BTK: variants seen among roughly 807,000 people sequenced by gnomAD.
BTK encodes the protein Bruton tyrosine kinase.
A neutral mutation model predicts 57.4 loss-of-function variants in BTK; 5 were observed. The observed-to-expected ratio is 0.09, with a 90% confidence interval of 0.05 to 0.18. The LOEUF (loss-of-function observed/expected upper bound fraction) is 0.18. BTK is among the 10% of genes least tolerant of loss of function. The probability of loss-of-function intolerance (pLI) is 1.00; values close to 1 mark genes in which losing one functional copy is unlikely to be tolerated. For missense variants in BTK, 194 were observed against 501.2 expected (o/e 0.39, Z 5.85); for synonymous variants, 154 against 174.3 (o/e 0.88, Z 0.92).
At position 101,357,664 on chromosome X, in the gene BTK, C is replaced by T. The variant is rs1926531923; in HGVS notation, c.1103-81G>A. ...ACACATCCTCACTTAAAGCCTCACA[C>T]TTCCGGTGTGTATCTTTCTAGTACA... On this transcript the variant is annotated intron_variant, in intron 12 of 18. Coordinates refer to ENST00000308731, the MANE Select transcript of BTK (RefSeq NM_000061.3). The T allele has an allele frequency of 5.1e-6, 4 of 783,665 alleles. No individual in the cohort carries two copies. The Admixed American group carries it at 6.7e-5, about 13-fold the overall frequency. 64.6% of individuals were successfully genotyped at this position (783,665 alleles called of 1,213,427 possible). A position where few individuals can be genotyped will look rare whatever the true frequency, so the allele number is the denominator to read the frequency against.
chrX:101,379,746 T>C (rs1303846241), intron 1 of BTK, among the ~76,000 whole-genome samples: 1 of 111,822 alleles, frequency 8.9e-6, no homozygotes, highest in Non-Finnish European at 1.9e-5. Flanking sequence ...CTAGGAATGT[T>C]CAGCAAGAGA....
At chrX:101,377,572 C>T (rs944322042) in intron 1 of BTK, among the ~76,000 whole-genome samples, 2 of 110,929 alleles carry the variant, frequency 1.8e-5, no homozygotes, top group African/African-American at 6.6e-5. Context: ...CTGCTTAGAC[C>T]CACCATCTGT....
At chrX:101,381,007 G>GAAAAAA (rs782713123) in intron 1 of BTK, among the ~76,000 whole-genome samples, 4 of 24,722 alleles carry the variant, frequency 1.6e-4, no homozygotes, top group Non-Finnish European at 3.2e-4. Context: ...ACTCGGTCGC[G>GAAAAAA]AAAAAAAAAA....
chrX:101,373,373 G>A (rs782519692), intron 3 of BTK, among the ~76,000 whole-genome samples: 15 of 111,770 alleles, frequency 1.3e-4, no homozygotes, highest in African/African-American at 3.6e-4. Context: ...TAGACAAACC[G>A]AATGTGTAAT....
At chrX:101,374,734 G>T in intron 2 of BTK, 100 bp from the exon 3 acceptor site, 1 of 745,448 alleles carries the variant, frequency 1.3e-6, no homozygotes, top group Non-Finnish European at 2.1e-6. Context: ...AAGTGAGGTG[G>T]CACCAGGACC....
chrX:101,354,167 T>C, intron 16 of BTK, 179 bp from the exon 17 acceptor site: 1 of 459,936 alleles, frequency 2.2e-6, no homozygotes, highest in Non-Finnish European at 3.8e-6. Flanking sequence ...TTGTATCTGA[T>C]TGAGCTTTCC....
At chrX:101,367,922 C>CATTGTGGAGAG (rs1926914345) in intron 5 of BTK, among the ~76,000 whole-genome samples, 1 of 111,341 alleles carries the variant, frequency 9.0e-6, no homozygotes, top group Non-Finnish European at 1.9e-5. Context: ...GTGTGCAAGG[C>CATTGTGGAGAG]GCTGTATGAG....
intron 8 of BTK, 72 bp from the exon 9 acceptor site, chrX:101,360,222 G>A (rs1926618514): frequency 2.6e-6 from 2 of 758,639 alleles, no homozygotes; most frequent in Non-Finnish European, 4.1e-6. Context: ...ATATGCCCAC[G>A]TCCCTGAGCT....
At chrX:101,363,888 A>G (rs782356271) in intron 5 of BTK, among the ~76,000 whole-genome samples, 167 of 8,979 alleles carry the variant, frequency 0.019, 1 homozygote, top group South Asian at 0.079. Flanking sequence ...AATCCCGCAC[A>G]TTATTATTAT....
chrX:101,376,579 A>G (rs1927220851), intron 1 of BTK, among the ~76,000 whole-genome samples: 1 of 111,550 alleles, frequency 9.0e-6, no homozygotes, highest in Non-Finnish European at 1.9e-5. Context: ...GTGAGCCGAG[A>G]TTGTGCCATT....
At chrX:101,375,980 G>T (rs1027169311) in intron 1 of BTK, among the ~76,000 whole-genome samples, 14 of 110,009 alleles carry the variant, frequency 1.3e-4, no homozygotes, top group Non-Finnish European at 2.1e-4. Context: ...GTTTTGGTGG[G>T]GGGGGGGTAG....
chrX:101,359,892 T>C (rs1334654220), intron 9 of BTK, among the ~76,000 whole-genome samples, 196 bp downstream of exon 9: 1 of 105,704 alleles, frequency 9.5e-6, no homozygotes, highest in Non-Finnish European at 1.9e-5. Context: ...TATATATATA[T>C]ACACACTTGT....
upstream of BTK, chrX:101,390,676 A>T: frequency 2.1e-6 from 1 of 477,630 alleles, no homozygotes; most frequent in South Asian, 2.9e-5. Flanking sequence ...GGACCCCTTC[A>T]TTCGACCCTA....
intron 18 of BTK, among the ~76,000 whole-genome samples, chrX:101,352,017 G>T (rs1398179727): frequency 9.1e-6 from 1 of 109,766 alleles, no homozygotes; most frequent in African/African-American, 3.3e-5. Flanking sequence ...CAAAAAATTA[G>T]CCGGGCGTGG....
chrX:101,360,055 T>A, intron 9 of BTK, 33 bp downstream of exon 9: 2 of 985,587 alleles, frequency 2.0e-6, no homozygotes, highest in Non-Finnish European at 2.8e-6. Context: ...GAGTTCCTCC[T>A]GGAAGATTGT....
At chrX:101,362,044 C>G in intron 7 of BTK, 129 bp downstream of exon 7, 3 of 681,820 alleles carry the variant, frequency 4.4e-6, no homozygotes, top group Non-Finnish European at 7.1e-6. Context: ...AAGAACAAAT[C>G]CCCCATCTTA....
At chrX:101,378,915 C>T (rs1391752471) in intron 1 of BTK, among the ~76,000 whole-genome samples, 6 of 110,871 alleles carry the variant, frequency 5.4e-5, no homozygotes, top group African/African-American at 1.6e-4. Context: ...GGCTCATGCC[C>T]GTAATCCCAG....
upstream of BTK, among the ~76,000 whole-genome samples, chrX:101,387,541 G>A (rs1338053047): frequency 1.8e-5 from 2 of 108,891 alleles, no homozygotes; most frequent in Non-Finnish European, 3.8e-5. Flanking sequence ...TTGTAGAGAT[G>A]GGGTTTCACT....
At chrX:101,372,440 G>A (rs1927063262) in intron 3 of BTK, among the ~76,000 whole-genome samples, 1 of 110,361 alleles carries the variant, frequency 9.1e-6, no homozygotes, top group South Asian at 3.8e-4. Context: ...AAATAAGTTA[G>A]CAATAAAATG....
Sources: allele counts gnomAD v4.1 joint callset (sites outside exome capture counted in the v4.1 genomes callset), GRCh38; gene constraint gnomAD v4.1.1; transcripts MANE v1.5; gene names NCBI Gene and HGNC (gene_info 2026-07-23, HGNC 2026-07-21).